Variants in PHACTR1 observed in about 807,000 individuals in gnomAD.
PHACTR1 encodes the protein RPEL repeat containing 1.
A neutral mutation model predicts 69.2 loss-of-function variants in PHACTR1; 16 were observed. The observed-to-expected ratio is 0.23, with a 90% confidence interval of 0.16 to 0.35. The LOEUF (loss-of-function observed/expected upper bound fraction) is 0.35, where lower values mean the gene tolerates loss of function less well. Ranked by LOEUF, PHACTR1 falls within the 10% of genes least tolerant of loss-of-function variation. The pLI is 1.00. For missense variants in PHACTR1, 510 were observed against 734.7 expected, an observed-to-expected ratio of 0.69 and a Z score of 3.54; for synonymous variants, 312 against 284.5, an observed-to-expected ratio of 1.10 and a Z score of -0.97.
intron 5 of PHACTR1, among the ~76,000 whole-genome samples, chr6:13,112,978 G>A (rs1051444353): frequency 3.3e-5 from 5 of 152,046 alleles, no homozygotes; most frequent in African/African-American, 1.2e-4. Flanking sequence ...TATTACCTAG[G>A]TTGCTTTCCT....
chr6:13,251,823 G>A (rs1774453748), intron 10 of PHACTR1, among the ~76,000 whole-genome samples: 1 of 152,086 alleles, frequency 6.6e-6, no homozygotes, highest in South Asian at 2.1e-4. Context: ...GAGAGGCTGA[G>A]GCAGGAGGAT....
At chr6:12,864,180 A>G (rs1781214131) in intron 4 of PHACTR1, among the ~76,000 whole-genome samples, 1 of 152,224 alleles carries the variant, frequency 6.6e-6, no homozygotes, top group Non-Finnish European at 1.5e-5. Flanking sequence ...ATGTGGGTAC[A>G]CAAATTCAGT....
chr6:13,196,992 G>A (rs1764530483), intron 7 of PHACTR1, among the ~76,000 whole-genome samples: 1 of 152,324 alleles, frequency 6.6e-6, no homozygotes, highest in Admixed American at 6.5e-5. Context: ...AGGCTGGAAA[G>A]CATCAGGATA....
intron 4 of PHACTR1, among the ~76,000 whole-genome samples, chr6:12,926,744 T>G (rs560952590): frequency 6.6e-6 from 1 of 152,376 alleles, no homozygotes; most frequent in East Asian, 1.9e-4. Flanking sequence ...CTTCTGATTC[T>G]CTGTTTACAA....
chr6:13,269,020 AG>A (rs2127438985), intron 10 of PHACTR1, among the ~76,000 whole-genome samples: 1 of 152,308 alleles, frequency 6.6e-6, no homozygotes, highest in South Asian at 2.1e-4. Context: ...GCCACCACAG[AG>A]CCAGTTGTCA....
At chr6:13,270,461 A>T (rs567958883) in intron 10 of PHACTR1, among the ~76,000 whole-genome samples, 4 of 152,174 alleles carry the variant, frequency 2.6e-5, no homozygotes, top group Non-Finnish European at 5.9e-5. Context: ...GGCCAGCCCC[A>T]TCCTAAGTCA....
chr6:12,846,143 A>G (rs1779237875), intron 4 of PHACTR1, among the ~76,000 whole-genome samples: 1 of 152,250 alleles, frequency 6.6e-6, no homozygotes, highest in South Asian at 2.1e-4. Flanking sequence ...TCCACTTGGA[A>G]GGATGACTTT....
At chr6:13,073,105 T>G (rs1039568432) in intron 5 of PHACTR1, among the ~76,000 whole-genome samples, 1 of 151,932 alleles carries the variant, frequency 6.6e-6, no homozygotes. Context: ...TCAGAATAAC[T>G]GAAGTTTAGT....
chr6:12,976,178 C>T (rs961859201), intron 4 of PHACTR1, among the ~76,000 whole-genome samples: 1 of 152,108 alleles, frequency 6.6e-6, no homozygotes, highest in African/African-American at 2.4e-5. Context: ...TTTTGTAGTT[C>T]GGAACAAGAG....
chr6:13,217,190 A>T (rs572986652), intron 8 of PHACTR1, among the ~76,000 whole-genome samples: 1 of 152,206 alleles, frequency 6.6e-6, no homozygotes. Flanking sequence ...AACTCTCAGC[A>T]TTGTTGTCCA....
At chr6:13,022,787 T>C (rs942324714) in intron 4 of PHACTR1, among the ~76,000 whole-genome samples, 1 of 152,072 alleles carries the variant, frequency 6.6e-6, no homozygotes, top group African/African-American at 2.4e-5. Flanking sequence ...GAGGCTGAGA[T>C]GGGTGGATCG....
intron 4 of PHACTR1, among the ~76,000 whole-genome samples, chr6:12,823,547 A>G (rs1475668422): frequency 1.3e-5 from 2 of 152,194 alleles, no homozygotes; most frequent in Admixed American, 1.3e-4. Flanking sequence ...ACTTGGACAG[A>G]TCTGTCTTGT....
At chr6:13,052,331 A>G (rs116193214) in intron 4 of PHACTR1, among the ~76,000 whole-genome samples, 211 of 152,368 alleles carry the variant, frequency 1.4e-3, no homozygotes, top group African/African-American at 4.9e-3. Flanking sequence ...GGTCATTGGC[A>G]GGTTGAACTT....
At chr6:12,792,255 G>A (rs1320955336) in intron 4 of PHACTR1, among the ~76,000 whole-genome samples, 5 of 151,490 alleles carry the variant, frequency 3.3e-5, no homozygotes, top group African/African-American at 1.2e-4. Context: ...ACTTGAGGTC[G>A]GGAGTTCGAG....
chr6:13,159,716 T>A (rs1325929634), intron 5 of PHACTR1, among the ~76,000 whole-genome samples: 1 of 152,164 alleles, frequency 6.6e-6, no homozygotes, highest in Non-Finnish European at 1.5e-5. Flanking sequence ...CCAAGGCAAG[T>A]GGATCACGAG....
intron 4 of PHACTR1, among the ~76,000 whole-genome samples, chr6:12,889,047 A>G (rs767649963): frequency 1.3e-5 from 2 of 152,004 alleles, no homozygotes; most frequent in African/African-American, 2.4e-5. Context: ...CCAAGGTGGA[A>G]GGATAACTTG....
chr6:12,938,049 G>A (rs935449630), intron 4 of PHACTR1, among the ~76,000 whole-genome samples: 1 of 151,978 alleles, frequency 6.6e-6, no homozygotes, highest in Non-Finnish European at 1.5e-5. Context: ...GCAGTGGGCC[G>A]AGGTCACGCC....
chr6:13,269,704 C>T (rs191757542), intron 10 of PHACTR1, among the ~76,000 whole-genome samples: 2 of 152,004 alleles, frequency 1.3e-5, no homozygotes, highest in Middle Eastern at 3.2e-3. Context: ...CATGGTGGCA[C>T]GCACCTGTAA....
At chr6:13,044,468 T>G (rs933585480) in intron 4 of PHACTR1, among the ~76,000 whole-genome samples, 2 of 152,174 alleles carry the variant, frequency 1.3e-5, no homozygotes, top group Non-Finnish European at 2.9e-5. Flanking sequence ...CTGGCCAAGC[T>G]CAATGACTCA....
Sources: gnomAD v4.1 joint callset for allele counts (sites outside exome capture counted in the v4.1 genomes callset) on GRCh38, gnomAD v4.1.1 for gene constraint, MANE v1.5 for transcripts, NCBI Gene and HGNC (gene_info 2026-07-23, HGNC 2026-07-21) for gene names.